DRC11: variants seen among roughly 807,000 people sequenced by gnomAD.
DRC11 encodes the protein dynein regulatory complex subunit 11.
chr2:236,430,510 C>T, the DRC11 span, among the ~76,000 whole-genome samples: 1 of 152,178 alleles, frequency 6.6e-6, no homozygotes, highest in African/African-American at 2.4e-5. The surrounding 1 kb of genome is among the most constrained non-coding windows in gnomAD (Gnocchi z 6.0). Context: ...CTTAGTGGTA[C>T]ATACAGAACT....
chr2:236,505,414 C>G, the DRC11 span, among the ~76,000 whole-genome samples: 3 of 152,178 alleles, frequency 2.0e-5, no homozygotes, highest in Non-Finnish European at 2.9e-5. Flanking sequence ...AATACTCCCC[C>G]TGCCTTCTTG....
chr2:236,470,710 CAGG>C, the DRC11 span, among the ~76,000 whole-genome samples: 1 of 152,058 alleles, frequency 6.6e-6, no homozygotes, highest in Admixed American at 6.5e-5. The surrounding 1 kb of genome is among the most constrained non-coding windows in gnomAD (Gnocchi z 5.1). Context: ...ATGAACCCAG[CAGG>C]AGAAGTGAAA....
chr2:236,351,308 G>T, the DRC11 span, among the ~76,000 whole-genome samples: 1 of 152,108 alleles, frequency 6.6e-6, no homozygotes, highest in Non-Finnish European at 1.5e-5. This position sits in a 1 kb window ranked among gnomAD's most constrained non-coding sequence, Gnocchi z 7.3. Flanking sequence ...CAGAAAGTGG[G>T]AGAAGTGGGC....
chr2:236,374,329 CA>C, the DRC11 span, among the ~76,000 whole-genome samples: 2 of 152,106 alleles, frequency 1.3e-5, no homozygotes, highest in Admixed American at 6.5e-5. Context: ...AAAATATGGA[CA>C]GGGGAAAAAA....
chr2:236,315,460 T>G, the DRC11 span, among the ~76,000 whole-genome samples: 1 of 152,168 alleles, frequency 6.6e-6, no homozygotes, highest in South Asian at 2.1e-4. This position sits in a 1 kb window ranked among gnomAD's most constrained non-coding sequence, Gnocchi z 5.1. Context: ...CCTCAAAGAT[T>G]AAGAACTGGA....
chr2:236,355,923 ACAC>A, the DRC11 span, among the ~76,000 whole-genome samples: 2 of 152,116 alleles, frequency 1.3e-5, no homozygotes, highest in African/African-American at 2.4e-5. Flanking sequence ...ACACCACCAC[ACAC>A]CACATCTGGG....
the DRC11 span, among the ~76,000 whole-genome samples, chr2:236,389,395 G>A: frequency 2.6e-5 from 4 of 152,150 alleles, no homozygotes; most frequent in African/African-American, 9.7e-5. Context: ...TCGGAAAAGC[G>A]CAGTATTCGG....
At chr2:236,496,369 A>C in the DRC11 span, among the ~76,000 whole-genome samples, 1 of 152,212 alleles carries the variant, frequency 6.6e-6, no homozygotes, top group Non-Finnish European at 1.5e-5. This position sits in a 1 kb window ranked among gnomAD's most constrained non-coding sequence, Gnocchi z 6.3. Flanking sequence ...CCTCATGTAG[A>C]AAATTAAAGA....
the DRC11 span, among the ~76,000 whole-genome samples, chr2:236,359,791 A>C: frequency 2.0e-5 from 3 of 152,104 alleles, no homozygotes; most frequent in Admixed American, 1.3e-4. The surrounding 1 kb of genome is among the most constrained non-coding windows in gnomAD (Gnocchi z 4.3). Context: ...CGGTGGCCTC[A>C]CCGCACACAA....
the DRC11 span, among the ~76,000 whole-genome samples, chr2:236,308,405 C>A: frequency 6.6e-6 from 1 of 152,252 alleles, no homozygotes; most frequent in Non-Finnish European, 1.5e-5. The surrounding 1 kb of genome is among the most constrained non-coding windows in gnomAD (Gnocchi z 6.0). Context: ...TGTGAGCCTC[C>A]ATGCAGCTGT....
the DRC11 span, among the ~76,000 whole-genome samples, chr2:236,354,243 G>T: frequency 1.8e-5 from 1 of 55,736 alleles, no homozygotes; most frequent in Non-Finnish European, 3.9e-5. Context: ...TTAGTATGAG[G>T]TATGTTAGTG....
chr2:236,416,658 A>G, the DRC11 span, among the ~76,000 whole-genome samples: 1 of 146,716 alleles, frequency 6.8e-6, no homozygotes, highest in Non-Finnish European at 1.5e-5. Flanking sequence ...GGCCAGCCGC[A>G]GTCATGCCCG....
chr2:236,453,090 C>T, the DRC11 span, among the ~76,000 whole-genome samples: 3,129 of 152,282 alleles, frequency 0.021, 105 homozygotes, highest in African/African-American at 0.07. This position sits in a 1 kb window ranked among gnomAD's most constrained non-coding sequence, Gnocchi z 4.9. Flanking sequence ...TCAAAACCTG[C>T]GCCATCATTC....
the DRC11 span, among the ~76,000 whole-genome samples, chr2:236,505,349 A>G: frequency 6.6e-6 from 1 of 152,144 alleles, no homozygotes; most frequent in East Asian, 1.9e-4. Context: ...TATTTTGCAC[A>G]AGATAAAACC....
chr2:236,441,546 C>T, the DRC11 span, among the ~76,000 whole-genome samples: 1 of 151,978 alleles, frequency 6.6e-6, no homozygotes, highest in Non-Finnish European at 1.5e-5. Flanking sequence ...TACACCCATG[C>T]TTTAGGTTTT....
chr2:236,345,477 T>G, the DRC11 span, among the ~76,000 whole-genome samples: 2 of 152,168 alleles, frequency 1.3e-5, no homozygotes, highest in Middle Eastern at 3.2e-3. Context: ...GAGTTTTAAT[T>G]ACCGCCTCTG....
chr2:236,419,031 C>T, the DRC11 span: 1 of 1,386,106 alleles, frequency 7.2e-7, no homozygotes, highest in Non-Finnish European at 9.4e-7. This position sits in a 1 kb window ranked among gnomAD's most constrained non-coding sequence, Gnocchi z 4.8. Context: ...CATGGTTTCT[C>T]TAGGAAACAA....
chr2:236,343,605 A>C, the DRC11 span: 3 of 695,320 alleles, frequency 4.3e-6, 1 homozygote, highest in Non-Finnish European at 2.3e-6. This position sits in a 1 kb window ranked among gnomAD's most constrained non-coding sequence, Gnocchi z 6.6. Context: ...TGATAACTCC[A>C]GGTGTGTGAC....
At chr2:236,377,133 C>T in the DRC11 span, 1 of 1,612,264 alleles carries the variant, frequency 6.2e-7, no homozygotes, top group South Asian at 1.1e-5. This position sits in a 1 kb window ranked among gnomAD's most constrained non-coding sequence, Gnocchi z 4.9. Flanking sequence ...ACTTTCAGAG[C>T]CTGGATCAGT....
Sources: allele counts gnomAD v4.1 joint callset (sites outside exome capture counted in the v4.1 genomes callset), GRCh38; gene constraint gnomAD v4.1.1; non-coding constraint Gnocchi (gnomAD v3.1); transcripts MANE v1.5; gene names NCBI Gene and HGNC (gene_info 2026-07-23, HGNC 2026-07-21).